The following DIS3L2 variants were observed in gnomAD, a reference collection of about 807,000 sequenced individuals.
DIS3L2 encodes the protein DIS3-like exonuclease 2.
DIS3L2 carries 34 observed loss-of-function variants against 97.5 expected under a neutral mutation model. The ratio of observed to expected loss-of-function variants is 0.35; its 90% CI spans 0.27 to 0.46. The LOEUF (loss-of-function observed/expected upper bound fraction) is 0.46. DIS3L2 is among the 20% of genes least tolerant of loss of function. The pLI is 1.00. For synonymous variants in DIS3L2, 435 were observed against 445.2 expected (o/e 0.98, Z 0.29); for missense variants, 1,038 against 1,146.0 (o/e 0.91, Z 1.36).
intron 5 of DIS3L2, among the ~76,000 whole-genome samples, chr2:232,061,494 G>A (rs1276816663): frequency 6.6e-6 from 1 of 152,214 alleles, no homozygotes; most frequent in African/African-American, 2.4e-5. Flanking sequence ...CTGCTTTTAT[G>A]TTATTGTGAG....
chr2:232,055,422 T>C (rs1330223973), intron 5 of DIS3L2, among the ~76,000 whole-genome samples: 1 of 152,208 alleles, frequency 6.6e-6, no homozygotes, highest in Non-Finnish European at 1.5e-5. Flanking sequence ...TATGTTAGCA[T>C]GTAAAAAAGA....
chr2:231,996,338 G>T (rs1173568101), intron 1 of DIS3L2, among the ~76,000 whole-genome samples: 1 of 152,138 alleles, frequency 6.6e-6, no homozygotes, highest in Admixed American at 6.5e-5. Flanking sequence ...ATAGAAACTG[G>T]ATTCAGCCAT....
At chr2:232,208,305 C>G (rs539701624) in intron 9 of DIS3L2, among the ~76,000 whole-genome samples, 1 of 151,932 alleles carries the variant, frequency 6.6e-6, no homozygotes, top group Non-Finnish European at 1.5e-5. Context: ...TCTCCTCCCC[C>G]CACCCTTTTT....
At chr2:232,011,926 C>T (rs1574809868) in intron 1 of DIS3L2, among the ~76,000 whole-genome samples, 2 of 152,242 alleles carry the variant, frequency 1.3e-5, no homozygotes, top group African/African-American at 4.8e-5. Context: ...GTTAGGACTA[C>T]AGGCGTGAGC....
rs1470049101 is a variant in DIS3L2, at chr2:232,312,332, G to T, written c.1739+12213G>T. On this transcript the variant is annotated intron_variant, in intron 14 of 20. Coordinates refer to ENST00000325385, the MANE Select transcript of DIS3L2 (RefSeq NM_152383.5). Reference sequence around the variant, plus strand: ...ACAGCAAGTTTATTTTTTCATATGGGTATCTGTTGACCCAGCATCATTTTT... The same window carrying T: ...ACAGCAAGTTTATTTTTTCATATGGTTATCTGTTGACCCAGCATCATTTTT... Among the ~76,000 whole-genome samples the T allele has an allele frequency of 2.0e-5, 3 of 152,146 alleles. No homozygotes were observed. The East Asian group carries it at 5.8e-4, about 29-fold the overall frequency.
intron 10 of DIS3L2, among the ~76,000 whole-genome samples, chr2:232,232,539 G>A (rs1347167638): frequency 1.3e-5 from 2 of 152,182 alleles, no homozygotes; most frequent in Non-Finnish European, 2.9e-5. Flanking sequence ...ATCGACACAG[G>A]CCTGAGAAAG....
intron 9 of DIS3L2, among the ~76,000 whole-genome samples, chr2:232,174,713 C>G (rs184188046): frequency 6.6e-6 from 1 of 151,914 alleles, no homozygotes; most frequent in African/African-American, 2.4e-5. Context: ...AATTTAGATG[C>G]CTTTTATTTC....
intron 1 of DIS3L2, among the ~76,000 whole-genome samples, chr2:231,976,525 G>C (rs1162787992): frequency 6.6e-6 from 1 of 151,550 alleles, no homozygotes; most frequent in Non-Finnish European, 1.5e-5. Context: ...GCTACTTGGG[G>C]GGCTGTGGTG....
chr2:232,187,981 A>G (rs1437809816), intron 9 of DIS3L2, among the ~76,000 whole-genome samples: 2 of 152,160 alleles, frequency 1.3e-5, no homozygotes, highest in Admixed American at 1.3e-4. Context: ...TACCAAAAAT[A>G]CAAAAACAAT....
chr2:232,140,195 C>T (rs1214162420), intron 8 of DIS3L2, among the ~76,000 whole-genome samples: 1 of 152,280 alleles, frequency 6.6e-6, no homozygotes, highest in East Asian at 1.9e-4. Context: ...AAATACTCAA[C>T]TTTTAAACTC....
intron 1 of DIS3L2, among the ~76,000 whole-genome samples, chr2:231,998,891 T>C (rs1165296553): frequency 1.3e-5 from 2 of 152,230 alleles, no homozygotes; most frequent in East Asian, 1.9e-4. Flanking sequence ...AATTTTGATA[T>C]TTAAATGATC....
At chr2:232,335,401 C>T (rs563098484) in intron 19 of DIS3L2, 48 of 256,472 alleles carry the variant, frequency 1.9e-4, no homozygotes, top group Middle Eastern at 2.8e-3. Flanking sequence ...GAAGTTCAAG[C>T]CTAGCTCACC....
chr2:232,322,616 G>T (rs376115470), intron 14 of DIS3L2, among the ~76,000 whole-genome samples: 1 of 152,338 alleles, frequency 6.6e-6, no homozygotes, highest in East Asian at 1.9e-4. Flanking sequence ...CCTGGCAGCC[G>T]TTTGGGCAGG....
At chr2:232,098,471 A>C (rs1457808666) in intron 6 of DIS3L2, among the ~76,000 whole-genome samples, 1 of 150,762 alleles carries the variant, frequency 6.6e-6, no homozygotes, top group Admixed American at 6.6e-5. Flanking sequence ...ATCCTGCCTC[A>C]GCTTCCCGAG....
At chr2:232,301,297 G>A (rs12467219) in intron 14 of DIS3L2, among the ~76,000 whole-genome samples, 11,956 of 152,150 alleles carry the variant, frequency 0.079, 518 homozygotes, top group African/African-American at 0.12. Flanking sequence ...CAAGTGACCC[G>A]TATTTTTACT....
intron 6 of DIS3L2, among the ~76,000 whole-genome samples, chr2:232,128,065 G>A (rs944057342): frequency 1.3e-5 from 2 of 151,816 alleles, no homozygotes; most frequent in Admixed American, 6.6e-5. Flanking sequence ...ATCCTCCCAC[G>A]TGAACCTCTC....
In DIS3L2 at chr2:232,336,753, TTTTA is replaced by T. The variant is rs1267493059; in HGVS notation, c.*128_*131del. 6.7e-7 allele frequency: 1 copy of T among 1,485,124 alleles called. No individual in the cohort carries two copies. Among genetic ancestry groups the T allele is most frequent in the Non-Finnish European group, 8.9e-7 (1 of 1,128,644 alleles). 92.0% of individuals were successfully genotyped at this position (1,485,124 alleles called of 1,614,324 possible). A position where few individuals can be genotyped will look rare whatever the true frequency, so the allele number is the denominator to read the frequency against. On this transcript the variant is annotated 3_prime_UTR_variant, in exon 21 of 21. Coordinates refer to ENST00000325385, the MANE Select transcript of DIS3L2 (RefSeq NM_152383.5). ...TAACAACTCAGGGGTTTGTTTTTAT[TTTTA>T]TTTAATTTTTGCAGCTCAACTTTTA...
At chr2:232,213,123 T>G (rs1214277742) in intron 10 of DIS3L2, among the ~76,000 whole-genome samples, 1 of 152,188 alleles carries the variant, frequency 6.6e-6, no homozygotes, top group African/African-American at 2.4e-5. Context: ...GAGGAAGCAA[T>G]GCACCAAAAT....
chr2:232,004,039 C>G (rs1049607583), intron 1 of DIS3L2, among the ~76,000 whole-genome samples: 17 of 151,948 alleles, frequency 1.1e-4, no homozygotes, highest in African/African-American at 3.9e-4. Flanking sequence ...TTTTTTGGGA[C>G]CTGTTCTCTT....
Sources: allele counts gnomAD v4.1 joint callset (sites outside exome capture counted in the v4.1 genomes callset), GRCh38; gene constraint gnomAD v4.1.1; transcripts MANE v1.5; gene names NCBI Gene and HGNC (gene_info 2026-07-23, HGNC 2026-07-21).